ZNF446: variants seen among roughly 807,000 people sequenced by gnomAD.
ZNF446 encodes the protein zinc finger protein with KRAB and SCAN domains 20.
Under a neutral mutation model 34.0 loss-of-function variants are expected in ZNF446, and 42 were observed. The observed-to-expected ratio is 1.23, with a 90% CI of 0.96 to 1.60. ZNF446 has a LOEUF of 1.60. Among genes scored for constraint, ZNF446 ranks in the 40% most tolerant of loss-of-function variants. ZNF446 has a pLI of 0.00. For missense variants in ZNF446, 650 were observed against 600.2 expected (o/e 1.08, Z -0.87); for synonymous variants, 315 against 251.0 (o/e 1.25, Z -2.41).
At position 58,480,086 on chromosome 19, in the gene ZNF446, CAT is replaced by C; in HGVS notation, c.802+68_802+69del. On this transcript the variant is annotated intron_variant, in intron 6 of 6. Coordinates refer to ENST00000594369, the MANE Select transcript of ZNF446 (RefSeq NM_017908.4). This position sits in a 1 kb window ranked among gnomAD's most constrained non-coding sequence, Gnocchi z 7.2. ...ATCGGTGGGACCTGAGCCACCCACT[CAT>C]GGGGGGACGGGAGCTTGTGCCACGG... 1.9e-6 allele frequency: 3 copies of C among 1,556,480 alleles called. No individual in the cohort carries two copies. Among genetic ancestry groups the C allele is most frequent in the Non-Finnish European group, 2.6e-6 (3 of 1,156,702 alleles).
Position 58,480,994 on chromosome 19 carries a change from G to A in ZNF446, c.*268G>A. On this transcript the variant is annotated 3_prime_UTR_variant, in exon 7 of 7. Transcript: ENST00000594369. The surrounding 1 kb of genome is among the most constrained non-coding windows in gnomAD (Gnocchi z 7.2). ...CCAGTGCCTGTGGGGTGACTGCCAA[G>A]CACCAGGCTCCCTCCCTCCCTGTGA... is the stretch of plus-strand genomic sequence containing the variant. 1 of 493,168 alleles carries A rather than the reference G, an allele frequency of 2.0e-6. No homozygotes were observed. The highest frequency in any genetic ancestry group is 3.7e-6 in the Non-Finnish European group (1 of 273,438). The allele number at this position is 493,168 out of a possible 1,614,324, so 30.5% of individuals were successfully genotyped here. A position where few individuals can be genotyped will look rare whatever the true frequency, so the allele number is the denominator to read the frequency against.
chr19:58,483,698 G>A (rs1240968222), downstream of ZNF446: 2 of 152,048 alleles, frequency 1.3e-5, no homozygotes, highest in African/African-American at 2.4e-5. Flanking sequence ...TCAGAGAGAG[G>A]GATGATGGAT....
chr19:58,484,951 G>A (rs2053161545), downstream of ZNF446, among the ~76,000 whole-genome samples: 3 of 152,034 alleles, frequency 2.0e-5, no homozygotes, highest in South Asian at 4.1e-4. Flanking sequence ...CCAACTACTC[G>A]GGAGGCTGAG....
chr19:58,485,925 TTTTG>T (rs1244871987), downstream of ZNF446, among the ~76,000 whole-genome samples: 2 of 151,762 alleles, frequency 1.3e-5, no homozygotes, highest in Admixed American at 1.3e-4. Flanking sequence ...TTTGTTTTGT[TTTTG>T]TTTGTTTTGA....
chr19:58,486,826 G>A, the ZNF446 span, among the ~76,000 whole-genome samples: 9 of 151,304 alleles, frequency 5.9e-5, no homozygotes, highest in South Asian at 2.1e-4. Context: ...TTTTTGAGAC[G>A]GAGTCTCACT....
intron 5 of ZNF446, 55 bp downstream of exon 5, chr19:58,479,782 G>T (rs772901610): frequency 6.3e-7 from 1 of 1,575,332 alleles, no homozygotes; most frequent in South Asian, 1.1e-5. Context: ...CACCCACCCT[G>T]CAGCAGGCCT....
In ZNF446 at chr19:58,477,846, A is replaced by G. The variant is rs1326998011; in HGVS notation, c.532+20A>G. On this transcript the variant is annotated intron_variant, in intron 3 of 6. Coordinates refer to ENST00000594369, the MANE Select transcript of ZNF446 (RefSeq NM_017908.4). Reference sequence around the variant, plus strand: ...AAGTGGGTGAGGTTGGGGTCCCACCAGAGATGAGGGACTCCTGGAGGAAGT... The same window carrying G: ...AAGTGGGTGAGGTTGGGGTCCCACCGGAGATGAGGGACTCCTGGAGGAAGT... 2.0e-6 allele frequency: 3 copies of G among 1,517,986 alleles called. No individual in the cohort carries two copies. The highest frequency in any genetic ancestry group is 4.6e-5 in the East Asian group (2 of 43,140). 94.0% of individuals were successfully genotyped at this position (1,517,986 alleles called of 1,614,324 possible). A position where few individuals can be genotyped will look rare whatever the true frequency, so the allele number is the denominator to read the frequency against.
chr19:58,486,687 G>A, the ZNF446 span, among the ~76,000 whole-genome samples: 1 of 149,840 alleles, frequency 6.7e-6, no homozygotes, highest in Non-Finnish European at 1.5e-5. Context: ...GGGATTACAG[G>A]CGTGAGCCAC....
chr19:58,488,902 G>A, the ZNF446 span, among the ~76,000 whole-genome samples: 1 of 151,442 alleles, frequency 6.6e-6, no homozygotes, highest in Non-Finnish European at 1.5e-5. Context: ...GTATTGGTGA[G>A]GAAATGAATA....
rs182312841 is a variant in ZNF446 at position 58,477,254 on chromosome 19, C to T, written c.36C>T (p.Val12=). The change falls in exon 2 of 7, where the codon GTC becomes GTT. Residue 12 remains valine, a synonymous_variant. Coordinates refer to ENST00000594369, the MANE Select transcript of ZNF446 (RefSeq NM_017908.4). ...CTCTGGGTCCCCCATGCCTGCCCGTCATGGACCCAGAGACCACCCTTGAGG... is the reference window on the plus strand; with the variant it reads ...CTCTGGGTCCCCCATGCCTGCCCGTTATGGACCCAGAGACCACCCTTGAGG... ...PSPLGPPCLP[V]MDPETTLEEP... 4.4e-6 allele frequency: 7 copies of T among 1,600,532 alleles called. No homozygotes were observed. The South Asian group carries it at 7.8e-5, about 18-fold the overall frequency.
Position 58,480,882 on chromosome 19 carries a change from A to C in ZNF446, c.*156A>C. 4 of 847,986 alleles carry C rather than the reference A, an allele frequency of 4.7e-6. No homozygotes were observed. Among genetic ancestry groups the C allele is most frequent in the Admixed American group, 2.9e-5 (1 of 34,628 alleles). 52.5% of individuals were successfully genotyped at this position (847,986 alleles called of 1,614,324 possible). A position where few individuals can be genotyped will look rare whatever the true frequency, so the allele number is the denominator to read the frequency against. On this transcript the variant is annotated 3_prime_UTR_variant, in exon 7 of 7. Coordinates refer to ENST00000594369, the MANE Select transcript of ZNF446 (RefSeq NM_017908.4). This position sits in a 1 kb window ranked among gnomAD's most constrained non-coding sequence, Gnocchi z 7.2. ...CTGCCCCTGGTCTGGTCTCCCCCAA[A>C]AGACCTGGGTGCAAGGAAAAGGAGC... is the stretch of plus-strand genomic sequence containing the variant.
intron 4 of ZNF446, among the ~76,000 whole-genome samples, chr19:58,479,216 T>C (rs1406368010): frequency 6.6e-6 from 1 of 152,100 alleles, no homozygotes; most frequent in Non-Finnish European, 1.5e-5. Context: ...CAGCACCATC[T>C]CTAGCTGTGG....
intron 1 of ZNF446, 101 bp from the exon 2 acceptor site, chr19:58,477,078 G>A: frequency 2.8e-6 from 2 of 719,340 alleles, no homozygotes; most frequent in Non-Finnish European, 4.7e-6. Context: ...TGGCCTCAGA[G>A]TACACTTGGT....
At chr19:58,486,708 T>C in the ZNF446 span, among the ~76,000 whole-genome samples, 1 of 99,350 alleles carries the variant, frequency 1.0e-5, no homozygotes, top group Admixed American at 8.7e-5. Context: ...CGCACCCAGC[T>C]TTTTTTTTTG....
At chr19:58,488,855 A>AAC in the ZNF446 span, among the ~76,000 whole-genome samples, 5 of 151,222 alleles carry the variant, frequency 3.3e-5, 1 homozygote, top group Non-Finnish European at 2.9e-5. Flanking sequence ...CGTCAAAAAA[A>AAC]AAAAAAAAAC....
intron 4 of ZNF446, among the ~76,000 whole-genome samples, chr19:58,479,080 A>G (rs1056457735): frequency 6.6e-6 from 1 of 152,168 alleles, no homozygotes; most frequent in Admixed American, 6.5e-5. Flanking sequence ...TTCAGCAGCA[A>G]CATTGCTGGT....
At chr19:58,482,336 C>T (rs1052627550), downstream of ZNF446, among the ~76,000 whole-genome samples, 4 of 152,136 alleles carry the variant, frequency 2.6e-5, no homozygotes, top group African/African-American at 9.7e-5. Flanking sequence ...CCTACCTGCA[C>T]ACTTAGTCAC....
chr19:58,477,098 AGCCCCCTGGGCTGAGCCTGGTGTCT>A, intron 1 of ZNF446, 56 bp from the exon 2 acceptor site: 1 of 857,522 alleles, frequency 1.2e-6, no homozygotes, highest in Non-Finnish European at 1.8e-6. Flanking sequence ...TCCTGGTCTC[AGCCCCCTGGGCTGAGCCTGGTGTCT>A]GCCTTCCCCT....
At chr19:58,485,402 C>T (rs929241051), downstream of ZNF446, among the ~76,000 whole-genome samples, 5 of 151,450 alleles carry the variant, frequency 3.3e-5, no homozygotes, top group African/African-American at 7.3e-5. Context: ...CCCAGCTACT[C>T]GGGAGGCTGA....
Sources: gnomAD v4.1 joint callset for allele counts (sites outside exome capture counted in the v4.1 genomes callset) on GRCh38, gnomAD v4.1.1 for gene constraint, Gnocchi (gnomAD v3.1) non-coding constraint, MANE v1.5 for transcripts, NCBI Gene and HGNC (gene_info 2026-07-23, HGNC 2026-07-21) for gene names.